The following FKBP1B variants were observed in gnomAD, a reference collection of about 807,000 sequenced individuals.
The protein encoded by FKBP1B is FKBP prolyl isomerase 1B.
A neutral mutation model predicts 13.5 loss-of-function variants in FKBP1B; 4 were observed. The ratio of observed to expected loss-of-function variants is 0.30; its 90% CI spans 0.15 to 0.68. The LOEUF (loss-of-function observed/expected upper bound fraction) is 0.68, where lower values mean the gene tolerates loss of function less well. FKBP1B is among the 30% of genes least tolerant of loss of function. FKBP1B has a pLI of 0.76. For missense variants in FKBP1B, 93 were observed against 136.2 expected (o/e 0.68, Z 1.58); for synonymous variants, 54 against 53.6 (o/e 1.01, Z -0.03).
chr2:24,033,707 C>G, the FKBP1B span, among the ~76,000 whole-genome samples: 1 of 152,184 alleles, frequency 6.6e-6, no homozygotes, highest in African/African-American at 2.4e-5. Context: ...TGCCACTGTA[C>G]TCCAGGCTGA....
the FKBP1B span, among the ~76,000 whole-genome samples, chr2:24,036,612 T>G: frequency 6.6e-6 from 1 of 152,208 alleles, no homozygotes; most frequent in Non-Finnish European, 1.5e-5. Context: ...AAGGTACTAA[T>G]ATGAATGGAT....
At chr2:24,034,760 A>G in the FKBP1B span, among the ~76,000 whole-genome samples, 1 of 152,066 alleles carries the variant, frequency 6.6e-6, no homozygotes, top group South Asian at 2.1e-4. Flanking sequence ...TTTTCGGTAG[A>G]GACAGGGTTT....
At chr2:24,042,334 G>T in the FKBP1B span, among the ~76,000 whole-genome samples, 1 of 151,796 alleles carries the variant, frequency 6.6e-6, no homozygotes, top group Non-Finnish European at 1.5e-5. Context: ...TCAGGAGATC[G>T]AGACCATCCT....
Position 24,063,188 on chromosome 2 carries a change from A to C in FKBP1B, c.323A>C (p.Glu108Ala). 6.3e-7 allele frequency: 1 copy of C among 1,590,414 alleles called. No homozygotes were observed. The highest frequency in any genetic ancestry group is 8.6e-7 in the Non-Finnish European group (1 of 1,167,902). ...LIFDVELLNL[E>A] ...TTTGACGTGGAGCTGCTCAACTTAG[A>C]GTGAAGGCAGGAAGGAACTCAAGGT... Residue 108 changes from glutamate to alanine, a missense_variant, in exon 4 of 4, where the codon GAG becomes GCG. Transcript: ENST00000380986.
chr2:24,036,653 G>C, the FKBP1B span, among the ~76,000 whole-genome samples: 3 of 152,184 alleles, frequency 2.0e-5, no homozygotes, highest in African/African-American at 7.2e-5. Context: ...AGCATCATTT[G>C]GAGTAGCTAA....
At chr2:24,037,544 G>A in the FKBP1B span, 1 of 1,019,104 alleles carries the variant, frequency 9.8e-7, no homozygotes, top group Non-Finnish European at 1.4e-6. Context: ...GTACCAACTT[G>A]CCTGTAACAT....
chr2:24,039,071 C>T, the FKBP1B span: 2 of 1,614,160 alleles, frequency 1.2e-6, no homozygotes, highest in African/African-American at 1.3e-5. Context: ...TCAGAGTGAA[C>T]ATTAGGGAAA....
chr2:24,051,497 C>T (rs2150960784), intron 1 of FKBP1B, among the ~76,000 whole-genome samples: 1 of 152,288 alleles, frequency 6.6e-6, no homozygotes, highest in East Asian at 1.9e-4. Flanking sequence ...CTAAGCCCAC[C>T]ACTAACTTTT....
chr2:24,042,748 C>T, the FKBP1B span, among the ~76,000 whole-genome samples: 1 of 149,960 alleles, frequency 6.7e-6, no homozygotes, highest in Non-Finnish European at 1.5e-5. Flanking sequence ...ATTACTGGGC[C>T]AGAGCCAGGC....
the FKBP1B span, among the ~76,000 whole-genome samples, chr2:24,043,880 C>A: frequency 6.5e-4 from 92 of 141,708 alleles, no homozygotes; most frequent in Middle Eastern, 7.4e-3. Context: ...CTCTTAGGAT[C>A]TTTCACTTAA....
chr2:24,044,306 G>C, the FKBP1B span, among the ~76,000 whole-genome samples: 1 of 151,996 alleles, frequency 6.6e-6, no homozygotes, highest in Admixed American at 6.6e-5. Context: ...GTCTTGCTCC[G>C]TTACCCAGGC....
upstream of FKBP1B, chr2:24,047,449 T>G (rs973051682): frequency 2.6e-5 from 4 of 152,146 alleles, no homozygotes; most frequent in Non-Finnish European, 5.9e-5. Context: ...GTGATATCGG[T>G]CCTCTGATAG....
In FKBP1B at chr2:24,063,175, C is replaced by T. The variant is rs150412063; in HGVS notation, c.310C>T (p.Leu104=). 80 of 1,605,012 alleles carry T rather than the reference C, an allele frequency of 5.0e-5. No individual in the cohort carries two copies. The highest frequency in any genetic ancestry group is 1.7e-4 in the Middle Eastern group (1 of 6,036). ...TGCCACCCTCATCTTTGACGTGGAG[C>T]TGCTCAACTTAGAGTGAAGGCAGGA... ...PNATLIFDVE[L]LNLE Residue 104 remains leucine (L), a synonymous_variant, in exon 4 of 4, where the codon CTG becomes TTG. Coordinates refer to ENST00000380986, the MANE Select transcript of FKBP1B (RefSeq NM_004116.5).
upstream of FKBP1B, among the ~76,000 whole-genome samples, chr2:24,049,150 T>C (rs567015077): frequency 6.6e-6 from 1 of 152,220 alleles, no homozygotes; most frequent in South Asian, 2.1e-4. Context: ...ATTAAAGTGA[T>C]GGTTTCATTA....
rs560645451 is a variant in FKBP1B at position 24,050,333 on chromosome 2, C to T, written c.37+447C>T. 2.0e-5 allele frequency among the ~76,000 whole-genome samples: 3 copies of T among 152,318 alleles called. No homozygotes were observed. Among genetic ancestry groups the T allele is most frequent in the East Asian group, 1.9e-4 (1 of 5,170 alleles). ...GCGCGTCCCCCGCCGGGCCTCCCCT[C>T]GGTCGCTTCCCTGCGGGCCGGGCTG... is the stretch of plus-strand genomic sequence containing the variant. On this transcript the variant is annotated intron_variant, in intron 1 of 3. Coordinates refer to ENST00000380986, the MANE Select transcript of FKBP1B (RefSeq NM_004116.5). This position sits in a 1 kb window ranked among gnomAD's most constrained non-coding sequence, Gnocchi z 5.8.
upstream of FKBP1B, among the ~76,000 whole-genome samples, chr2:24,048,518 A>G (rs79704726): frequency 1.3e-5 from 2 of 150,006 alleles, no homozygotes; most frequent in African/African-American, 4.9e-5. Context: ...GGATCTCGCT[A>G]TGTTACCCAG....
chr2:24,034,573 A>ACT, the FKBP1B span, among the ~76,000 whole-genome samples: 1 of 105,004 alleles, frequency 9.5e-6, no homozygotes, highest in African/African-American at 3.1e-5. Context: ...GGGCAACAAA[A>ACT]CTTTTTTTTT....
Position 24,050,385 on chromosome 2 carries a change from C to T in FKBP1B, c.37+499C>T, listed in dbSNP as rs1297597113. Among the ~76,000 whole-genome samples, 1 of 152,154 alleles carries T rather than the reference C, an allele frequency of 6.6e-6. No homozygotes were observed. Among genetic ancestry groups the T allele is most frequent in the Non-Finnish European group, 1.5e-5 (1 of 68,004 alleles). ...GAGCGGCTGTGGGGACAGACCCAGG[C>T]TGGGGAAGGGGGAAGCGCTCCCTTG... On this transcript the variant is annotated intron_variant, in intron 1 of 3. Transcript: ENST00000380986. The surrounding 1 kb of genome is among the most constrained non-coding windows in gnomAD (Gnocchi z 5.8).
At chr2:24,051,899 C>T (rs1663896117) in intron 1 of FKBP1B, among the ~76,000 whole-genome samples, 1 of 152,098 alleles carries the variant, frequency 6.6e-6, no homozygotes, top group African/African-American at 2.4e-5. Context: ...TTTATACCTC[C>T]AGTGCAGACT....
Sources: gnomAD v4.1 joint callset for allele counts (sites outside exome capture counted in the v4.1 genomes callset) on GRCh38, gnomAD v4.1.1 for gene constraint, Gnocchi (gnomAD v3.1) non-coding constraint, MANE v1.5 for transcripts, NCBI Gene and HGNC (gene_info 2026-07-23, HGNC 2026-07-21) for gene names.